Variants in EDNRA observed in about 807,000 individuals in gnomAD.
EDNRA encodes the protein endothelin-1 receptor.
In EDNRA, 11 loss-of-function variants were observed where a neutral mutation model predicts 41.4. The ratio of observed to expected loss-of-function variants is 0.27; its 90% CI spans 0.17 to 0.44. The LOEUF is 0.44. Among genes scored for constraint, EDNRA ranks in the 20% least tolerant of loss-of-function variants. EDNRA has a pLI of 1.00. For missense variants in EDNRA, 294 were observed against 531.0 expected (o/e 0.55, Z 4.39); for synonymous variants, 172 against 183.0 (o/e 0.94, Z 0.49).
rs547470946 is a variant in EDNRA, at chr4:147,485,466, T to C, written c.-70-146T>C. On this transcript the variant is annotated intron_variant, in intron 1 of 7. Transcript: ENST00000651419. ...AGCTTCAGTTTTTTTCTGGTTTTGC[T>C]CTGTCATAGGGTAACCTGATATACA... is the stretch of plus-strand genomic sequence containing the variant. 13 of 587,142 alleles carry C rather than the reference T, an allele frequency of 2.2e-5. No homozygotes were observed. In the South Asian group the frequency reaches 3.7e-4, roughly 17 times the overall value. 36.4% of individuals were successfully genotyped at this position (587,142 alleles called of 1,614,324 possible). A position where few individuals can be genotyped will look rare whatever the true frequency, so the allele number is the denominator to read the frequency against.
At position 147,506,268 on chromosome 4, in the gene EDNRA, C is replaced by T. The variant is rs144737780; in HGVS notation, c.421-13583C>T. The T allele has an allele frequency of 2.2e-3, 1,063 of 481,994 alleles. 3 individuals carry two copies. Among genetic ancestry groups the T allele is most frequent in the African/African-American group, 0.017 (831 of 50,156 alleles). 29.9% of individuals were successfully genotyped at this position (481,994 alleles called of 1,614,324 possible). On this transcript the variant is annotated intron_variant, in intron 2 of 7. Coordinates refer to ENST00000651419, the MANE Select transcript of EDNRA (RefSeq NM_001957.4). ...TTCAGTCAGTGCTCATAAAGAACAT[C>T]CATTTGTCTTGCAAAATATTGGAGG...
chr4:147,535,052 A>T (rs1730873269), intron 4 of EDNRA, among the ~76,000 whole-genome samples: 1 of 152,242 alleles, frequency 6.6e-6, no homozygotes, highest in Admixed American at 6.5e-5. Context: ...TAAATTAACA[A>T]TCTGAAGAAG....
chr4:147,511,149 C>A (rs749447073), intron 2 of EDNRA, among the ~76,000 whole-genome samples: 5 of 152,130 alleles, frequency 3.3e-5, no homozygotes, highest in Non-Finnish European at 7.4e-5. Flanking sequence ...ACTCTCGACA[C>A]CACAAATTGC....
At position 147,542,570 on chromosome 4, in the gene EDNRA, AAAC is replaced by A; in HGVS notation, c.1240_1242del (p.Asn414del). The A allele has an allele frequency of 6.2e-7, 1 of 1,614,146 alleles. No individual in the cohort carries two copies. Among genetic ancestry groups the A allele is most frequent in the South Asian group, 1.1e-5 (1 of 91,074 alleles). On this transcript the variant is annotated inframe_deletion, in exon 8 of 8. Transcript: ENST00000651419. ...GCATCCAGTGGAAGAACCACGATCA[AAAC>A]AACCACAACACAGACCGGAGCAGCC...
chr4:147,510,039 T>C (rs919098547), intron 2 of EDNRA, among the ~76,000 whole-genome samples: 1 of 152,190 alleles, frequency 6.6e-6, no homozygotes, highest in South Asian at 2.1e-4. Flanking sequence ...CCCATCCAAG[T>C]GTAAAATGCT....
intron 4 of EDNRA, among the ~76,000 whole-genome samples, chr4:147,534,116 A>T (rs1730839343): frequency 6.6e-6 from 1 of 152,068 alleles, no homozygotes; most frequent in African/African-American, 2.4e-5. Flanking sequence ...GGCCTTTGCC[A>T]TGGAGGGGGC....
intron 3 of EDNRA, among the ~76,000 whole-genome samples, chr4:147,529,122 T>G (rs1730661357): frequency 6.6e-6 from 1 of 152,220 alleles, no homozygotes. Flanking sequence ...AAGGAAGTTG[T>G]TGCAAGATTT....
intron 3 of EDNRA, among the ~76,000 whole-genome samples, chr4:147,531,334 C>T (rs543227003): frequency 6.2e-4 from 94 of 152,232 alleles, no homozygotes; most frequent in African/African-American, 2.2e-3. Context: ...GATATAATCC[C>T]TCTTTGACAT....
chr4:147,544,897 C>T lies in EDNRA; in HGVS notation c.*2279C>T, dbSNP rs1402534244. On this transcript the variant is annotated 3_prime_UTR_variant, in exon 8 of 8. Coordinates refer to ENST00000651419, the MANE Select transcript of EDNRA (RefSeq NM_001957.4). ...AACTTTGTAGAAATGAGCCAGAAGC[C>T]AAGGCCCTGAGTTGGCAGTGGCCCA... The T allele has an allele frequency of 6.6e-6, 1 of 152,552 alleles. No individual in the cohort carries two copies. Among genetic ancestry groups the T allele is most frequent in the Non-Finnish European group, 1.5e-5 (1 of 68,018 alleles). 9.4% of individuals were successfully genotyped at this position (152,552 alleles called of 1,614,324 possible).
intron 3 of EDNRA, among the ~76,000 whole-genome samples, chr4:147,525,074 A>G (rs1309915199): frequency 6.6e-6 from 1 of 152,226 alleles, no homozygotes; most frequent in African/African-American, 2.4e-5. Context: ...TAAAAACATA[A>G]TTATCTCACA....
At chr4:147,523,313 C>T (rs1463982067) in intron 3 of EDNRA, among the ~76,000 whole-genome samples, 1 of 152,128 alleles carries the variant, frequency 6.6e-6, no homozygotes, top group African/African-American at 2.4e-5. Context: ...CTATACAGGG[C>T]CATTTCAAAA....
At chr4:147,504,681 C>T (rs1001927611) in intron 2 of EDNRA, among the ~76,000 whole-genome samples, 10 of 152,060 alleles carry the variant, frequency 6.6e-5, no homozygotes, top group East Asian at 1.9e-4. Flanking sequence ...CAGCCGGGTG[C>T]GGTGGTTCAC....
At chr4:147,531,694 A>G (rs1325575276) in intron 3 of EDNRA, 3 of 152,282 alleles carry the variant, frequency 2.0e-5, no homozygotes, top group Non-Finnish European at 2.9e-5. Flanking sequence ...TTGATTTCCA[A>G]ATGGGTGGAA....
chr4:147,529,132 T>G (rs1299322818), intron 3 of EDNRA, among the ~76,000 whole-genome samples: 1 of 152,214 alleles, frequency 6.6e-6, no homozygotes. Flanking sequence ...TTGCAAGATT[T>G]GCTGAAGGAT....
intron 2 of EDNRA, among the ~76,000 whole-genome samples, chr4:147,498,154 T>C (rs1016404899): frequency 2.0e-5 from 3 of 152,272 alleles, no homozygotes; most frequent in Non-Finnish European, 4.4e-5. Context: ...TCTTACAATG[T>C]AAACACTCCC....
intron 2 of EDNRA, among the ~76,000 whole-genome samples, chr4:147,503,882 AT>A (rs1478069285): frequency 2.6e-5 from 4 of 152,150 alleles, no homozygotes. Flanking sequence ...TTTATAAAAA[AT>A]ATTTATTAAT....
At chr4:147,521,641 T>G (rs894464439) in intron 3 of EDNRA, among the ~76,000 whole-genome samples, 6 of 152,222 alleles carry the variant, frequency 3.9e-5, no homozygotes, top group African/African-American at 1.2e-4. Context: ...TTAAAAGCAT[T>G]AAATTGCACC....
intron 2 of EDNRA, among the ~76,000 whole-genome samples, chr4:147,504,803 CA>C (rs1046595204): frequency 4.6e-5 from 7 of 150,756 alleles, no homozygotes; most frequent in Non-Finnish European, 1.0e-4. Context: ...AAAAAAAATA[CA>C]AAAGTTAGCC....
chr4:147,528,327 CT>C (rs1432166684), intron 3 of EDNRA, among the ~76,000 whole-genome samples: 1 of 147,864 alleles, frequency 6.8e-6, no homozygotes, highest in Non-Finnish European at 1.5e-5. Flanking sequence ...AGCTTATATG[CT>C]TTTTTTCACT....
Sources: allele counts gnomAD v4.1 joint callset (sites outside exome capture counted in the v4.1 genomes callset), GRCh38; gene constraint gnomAD v4.1.1; transcripts MANE v1.5; gene names NCBI Gene and HGNC (gene_info 2026-07-23, HGNC 2026-07-21).